GRM5: variants seen among roughly 807,000 people sequenced by gnomAD.
GRM5 encodes the protein metabotropic glutamate receptor 5.
GRM5 carries 19 observed loss-of-function variants against 83.1 expected under a neutral mutation model. The observed-to-expected ratio is 0.23, with a 90% CI of 0.16 to 0.34. GRM5 has a LOEUF of 0.34. Ranked by LOEUF, GRM5 falls within the 10% of genes least tolerant of loss-of-function variation. The pLI, the probability that GRM5 is intolerant of heterozygous loss-of-function variation, is 1.00. For missense variants in GRM5, 1,160 were observed against 1,588.3 expected (o/e 0.73, Z 4.58); for synonymous variants, 675 against 633.6 (o/e 1.07, Z -0.98).
At chr11:88,788,129 TCTC>T (rs1591516799) in intron 3 of GRM5, among the ~76,000 whole-genome samples, 1 of 152,166 alleles carries the variant, frequency 6.6e-6, no homozygotes, top group Admixed American at 6.6e-5. Context: ...GGGAGGAACA[TCTC>T]CTTATTCTTC....
chr11:88,872,789 A>T (rs1944791779), intron 2 of GRM5, among the ~76,000 whole-genome samples: 1 of 151,494 alleles, frequency 6.6e-6, no homozygotes, highest in African/African-American at 2.4e-5. Flanking sequence ...GAACAAATGT[A>T]AAAGAAGAAA....
intron 4 of GRM5, among the ~76,000 whole-genome samples, chr11:88,648,726 A>C (rs1368481884): frequency 6.6e-6 from 1 of 151,980 alleles, no homozygotes; most frequent in Non-Finnish European, 1.5e-5. Flanking sequence ...AGAAAAGCTC[A>C]CTTGAGGAAT....
chr11:88,961,147 T>G (rs2134985024), intron 2 of GRM5, among the ~76,000 whole-genome samples: 1 of 152,250 alleles, frequency 6.6e-6, no homozygotes, highest in African/African-American at 2.4e-5. Flanking sequence ...ATAGCCTAAA[T>G]AATTCAAGGA....
chr11:88,539,825 C>T (rs1942223529), intron 8 of GRM5, among the ~76,000 whole-genome samples: 1 of 152,192 alleles, frequency 6.6e-6, no homozygotes, highest in African/African-American at 2.4e-5. Flanking sequence ...ACAAATGATG[C>T]TCTTCTCTTT....
Position 88,763,602 on chromosome 11 carries a change from C to G in GRM5, c.911+86304G>C, listed in dbSNP as rs1942571237. The stretch of plus-strand genomic sequence containing the variant: ...AATTGTAATGGTAAAATCAACAGCT[C>G]AAAGGCGTGAGGACAGAGTTGTTAA... On this transcript the variant is annotated intron_variant, in intron 3 of 9. Coordinates refer to ENST00000305447, the MANE Select transcript of GRM5 (RefSeq NM_001143831.3). Among the ~76,000 whole-genome samples, 2 of 151,816 alleles carry G rather than the reference C, an allele frequency of 1.3e-5. 1 individual carries two copies. Among genetic ancestry groups the G allele is most frequent in the South Asian group, 4.2e-4 (2 of 4,814 alleles).
intron 2 of GRM5, among the ~76,000 whole-genome samples, chr11:88,865,937 G>A (rs1400078138): frequency 6.6e-6 from 1 of 152,088 alleles, no homozygotes; most frequent in Admixed American, 6.6e-5. Context: ...GGAGAAATAG[G>A]AACACTTTTA....
In GRM5 at chr11:88,571,836, A is replaced by T. The variant is rs540439350; in HGVS notation, c.1691-3844T>A. Among the ~76,000 whole-genome samples, 10 of 152,286 alleles carry T rather than the reference A, an allele frequency of 6.6e-5. No individual in the cohort carries two copies. In the South Asian group the frequency reaches 2.1e-3, roughly 32 times the overall value. On this transcript the variant is annotated intron_variant, in intron 7 of 9. Coordinates refer to ENST00000305447, the MANE Select transcript of GRM5 (RefSeq NM_001143831.3). ...GTGTGGGGAGATAGATTGAAAAGGC[A>T]GGAGGCTGTGATGGCAAGTGAAGAC...
At chr11:88,873,250 T>C (rs374544183) in intron 2 of GRM5, among the ~76,000 whole-genome samples, 108 of 151,710 alleles carry the variant, frequency 7.1e-4, no homozygotes, top group Middle Eastern at 3.4e-3. Context: ...TGCACTGCAG[T>C]ACAATAATAG....
intron 2 of GRM5, among the ~76,000 whole-genome samples, chr11:88,864,845 T>C (rs1486362343): frequency 6.6e-6 from 1 of 152,086 alleles, no homozygotes; most frequent in Non-Finnish European, 1.5e-5. Flanking sequence ...TTTCCATCAA[T>C]ACCTAGTTTA....
chr11:88,882,252 A>G (rs549411057), intron 2 of GRM5, among the ~76,000 whole-genome samples: 7 of 148,516 alleles, frequency 4.7e-5, no homozygotes, highest in Admixed American at 1.3e-4. Flanking sequence ...AAGTAAGTAA[A>G]TAAATAAATA....
At chr11:89,061,676 T>A (rs983634136) in intron 1 of GRM5, among the ~76,000 whole-genome samples, 1 of 152,226 alleles carries the variant, frequency 6.6e-6, no homozygotes, top group African/African-American at 2.4e-5. Context: ...TTTGTCATCA[T>A]GTCCATAAGG....
At chr11:88,812,260 T>C (rs1424334253) in intron 3 of GRM5, among the ~76,000 whole-genome samples, 1 of 150,656 alleles carries the variant, frequency 6.6e-6, no homozygotes, top group Non-Finnish European at 1.5e-5. Flanking sequence ...ATTTTAGTGA[T>C]GAGGCTCTGA....
intron 3 of GRM5, among the ~76,000 whole-genome samples, chr11:88,701,743 C>T (rs962604821): frequency 1.3e-5 from 2 of 151,998 alleles, no homozygotes; most frequent in East Asian, 1.9e-4. Context: ...GTCATAAATG[C>T]GTTCTTTAAT....
intron 3 of GRM5, among the ~76,000 whole-genome samples, chr11:88,757,978 T>C (rs1418207576): frequency 6.6e-6 from 1 of 152,060 alleles, no homozygotes; most frequent in Non-Finnish European, 1.5e-5. Flanking sequence ...GTCCAGGAGA[T>C]GGAAGCTGAG....
At chr11:88,690,900 G>A (rs1475161674) in intron 3 of GRM5, among the ~76,000 whole-genome samples, 1 of 152,158 alleles carries the variant, frequency 6.6e-6, no homozygotes, top group Non-Finnish European at 1.5e-5. Context: ...TCTGCTCAGT[G>A]GTTTTGTTTA....
chr11:89,039,051 G>T (rs1941463140), intron 2 of GRM5, among the ~76,000 whole-genome samples: 1 of 152,020 alleles, frequency 6.6e-6, no homozygotes, highest in Non-Finnish European at 1.5e-5. Flanking sequence ...AGATCATGAG[G>T]TCAGGAGATC....
chr11:88,676,257 T>A (rs1667964807), intron 3 of GRM5, among the ~76,000 whole-genome samples: 1 of 152,038 alleles, frequency 6.6e-6, no homozygotes, highest in African/African-American at 2.4e-5. Flanking sequence ...CCAGAGAAAC[T>A]GAGTGAGTTG....
Position 88,508,058 on chromosome 11 carries a change from C to G in GRM5, c.*534G>C, listed in dbSNP as rs1941226904. 1 of 153,006 alleles carries G rather than the reference C, an allele frequency of 6.5e-6. No individual in the cohort carries two copies. Among genetic ancestry groups the G allele is most frequent in the African/African-American group, 2.4e-5 (1 of 41,284 alleles). 9.5% of individuals were successfully genotyped at this position (153,006 alleles called of 1,614,324 possible). A position where few individuals can be genotyped will look rare whatever the true frequency, so the allele number is the denominator to read the frequency against. On this transcript the variant is annotated 3_prime_UTR_variant, in exon 10 of 10. Transcript: ENST00000305447. This position sits in a 1 kb window ranked among gnomAD's most constrained non-coding sequence, Gnocchi z 4.2. ...CGTAAATACTGGACCCAAGTTACTG[C>G]TTTTCAAGGTCTTTACAGGAAAGAA...
At chr11:88,949,265 T>A (rs536863288) in intron 2 of GRM5, among the ~76,000 whole-genome samples, 2 of 152,360 alleles carry the variant, frequency 1.3e-5, no homozygotes, top group Admixed American at 1.3e-4. Flanking sequence ...TCACCTTTAT[T>A]GTTGTGCTCT....
Sources: gnomAD v4.1 joint callset for allele counts (sites outside exome capture counted in the v4.1 genomes callset) on GRCh38, gnomAD v4.1.1 for gene constraint, Gnocchi (gnomAD v3.1) non-coding constraint, MANE v1.5 for transcripts, NCBI Gene and HGNC (gene_info 2026-07-23, HGNC 2026-07-21) for gene names.